NAALADL2: variants seen among roughly 807,000 people sequenced by gnomAD.
The protein encoded by NAALADL2 is inactive N-acetylated-alpha-linked acidic dipeptidase-like protein 2.
Under a neutral mutation model 87.2 loss-of-function variants are expected in NAALADL2, and 76 were observed. That is an observed-to-expected ratio of 0.87 (90% CI 0.72 to 1.05). The LOEUF (loss-of-function observed/expected upper bound fraction) is 1.05. NAALADL2 is among the 50% of genes least tolerant of loss of function. The pLI is 0.00. For synonymous variants in NAALADL2, 354 were observed against 331.0 expected (o/e 1.07, Z -0.75); for missense variants, 1,089 against 945.8 (o/e 1.15, Z -1.99).
chr3:175,082,213 T>G (rs564428271), intron 1 of NAALADL2, among the ~76,000 whole-genome samples: 1 of 152,328 alleles, frequency 6.6e-6, no homozygotes, highest in Non-Finnish European at 1.5e-5. Flanking sequence ...AATGCAAAAC[T>G]GTTATTGTTT....
chr3:175,199,619 T>C (rs1032621788), intron 2 of NAALADL2, among the ~76,000 whole-genome samples: 3 of 151,102 alleles, frequency 2.0e-5, no homozygotes, highest in African/African-American at 7.3e-5. Context: ...AAAAGTGCAC[T>C]AAGGGCTATG....
chr3:175,616,041 G>A (rs189310585), intron 10 of NAALADL2, among the ~76,000 whole-genome samples: 1 of 145,804 alleles, frequency 6.9e-6, no homozygotes, highest in African/African-American at 2.5e-5. Context: ...ACTGTAATAT[G>A]TATTATATAT....
intron 3 of NAALADL2, among the ~76,000 whole-genome samples, chr3:174,812,260 G>A (rs149915499): frequency 6.6e-6 from 1 of 152,050 alleles, no homozygotes; most frequent in Non-Finnish European, 1.5e-5. Flanking sequence ...TGACATTTTG[G>A]TCAATGAGGG....
At chr3:175,670,422 T>A (rs1349400306) in intron 11 of NAALADL2, among the ~76,000 whole-genome samples, 2 of 145,934 alleles carry the variant, frequency 1.4e-5, no homozygotes, top group Non-Finnish European at 3.0e-5. Context: ...AATGTAAATT[T>A]AATATATTTA....
intron 9 of NAALADL2, among the ~76,000 whole-genome samples, chr3:175,529,059 A>C (rs559058210): frequency 7.9e-5 from 12 of 152,282 alleles, no homozygotes; most frequent in African/African-American, 2.9e-4. Context: ...GGCCATTTGT[A>C]GTCCTGCCTG....
chr3:174,944,145 A>T (rs1361313650), intron 1 of NAALADL2, among the ~76,000 whole-genome samples: 2 of 152,152 alleles, frequency 1.3e-5, no homozygotes, highest in African/African-American at 2.4e-5. Context: ...TGAAACAGCA[A>T]AGATGAGGGC....
At chr3:174,464,961 A>G (rs574372068) in intron 1 of NAALADL2, among the ~76,000 whole-genome samples, 2 of 152,184 alleles carry the variant, frequency 1.3e-5, no homozygotes, top group African/African-American at 4.8e-5. Context: ...ACATTTTACC[A>G]TCTTTGTCAA....
chr3:175,548,243 C>T (rs1340275892), intron 9 of NAALADL2, among the ~76,000 whole-genome samples: 1 of 152,034 alleles, frequency 6.6e-6, no homozygotes, highest in Non-Finnish European at 1.5e-5. Flanking sequence ...GATATTTATC[C>T]TTTGCAGGGA....
chr3:175,003,196 A>G (rs932067947), intron 1 of NAALADL2, among the ~76,000 whole-genome samples: 2 of 152,114 alleles, frequency 1.3e-5, no homozygotes, highest in African/African-American at 4.8e-5. Flanking sequence ...TAATTCAACG[A>G]TGTGTCCAGG....
At chr3:175,763,135 A>G (rs1194330631) in intron 13 of NAALADL2, among the ~76,000 whole-genome samples, 1 of 151,606 alleles carries the variant, frequency 6.6e-6, no homozygotes, top group Non-Finnish European at 1.5e-5. Context: ...TCTAAGTAGC[A>G]CTAGCTTTCA....
chr3:175,206,321 T>TACAC (rs750959695), intron 2 of NAALADL2, among the ~76,000 whole-genome samples: 2 of 116,866 alleles, frequency 1.7e-5, no homozygotes, highest in African/African-American at 3.8e-5. Context: ...TACACATACA[T>TACAC]ACACACACAC....
intron 3 of NAALADL2, among the ~76,000 whole-genome samples, chr3:174,796,027 G>T (rs1718040728): frequency 6.6e-6 from 1 of 152,112 alleles, no homozygotes; most frequent in Non-Finnish European, 1.5e-5. Context: ...TGGAGACAGG[G>T]CCTTTAAATA....
intron 11 of NAALADL2, among the ~76,000 whole-genome samples, chr3:175,679,697 C>A (rs1735327801): frequency 6.6e-6 from 1 of 152,052 alleles, no homozygotes; most frequent in Non-Finnish European, 1.5e-5. Flanking sequence ...TCTGTTTTAC[C>A]CGTGATAAAC....
intron 1 of NAALADL2, among the ~76,000 whole-genome samples, chr3:175,007,964 C>A (rs1315273301): frequency 6.6e-6 from 1 of 152,054 alleles, no homozygotes; most frequent in Non-Finnish European, 1.5e-5. Flanking sequence ...TAACTAGCGA[C>A]GGGGTAGCAT....
At chr3:174,604,626 G>T (rs964993317) in intron 2 of NAALADL2, among the ~76,000 whole-genome samples, 1 of 150,376 alleles carries the variant, frequency 6.6e-6, no homozygotes, top group Non-Finnish European at 1.5e-5. Context: ...ATTTTCTGTT[G>T]TGTGTGTGTG....
At chr3:175,101,000 A>C (rs1483069020) in intron 2 of NAALADL2, among the ~76,000 whole-genome samples, 1 of 151,984 alleles carries the variant, frequency 6.6e-6, no homozygotes, top group Non-Finnish European at 1.5e-5. Context: ...TGGGGGTTGT[A>C]AGCAGGAGCT....
intron 1 of NAALADL2, among the ~76,000 whole-genome samples, chr3:175,011,524 G>A (rs1475736005): frequency 1.3e-5 from 2 of 152,138 alleles, no homozygotes; most frequent in Admixed American, 6.6e-5. Flanking sequence ...GAAGAGAGTT[G>A]GAGAAATGAT....
intron 3 of NAALADL2, among the ~76,000 whole-genome samples, chr3:174,779,865 G>A (rs1234212568): frequency 6.6e-6 from 1 of 152,096 alleles, no homozygotes. Context: ...ATGCTGTTTT[G>A]GTTACTGTAG....
intron 2 of NAALADL2, among the ~76,000 whole-genome samples, chr3:174,737,131 C>T (rs905417671): frequency 9.2e-5 from 14 of 152,320 alleles, no homozygotes; most frequent in Non-Finnish European, 1.8e-4. Context: ...GCCCTAGCCA[C>T]GCCTCCCCTA....
Sources: allele counts gnomAD v4.1 joint callset (sites outside exome capture counted in the v4.1 genomes callset), GRCh38; gene constraint gnomAD v4.1.1; transcripts MANE v1.5; gene names NCBI Gene and HGNC (gene_info 2026-07-23, HGNC 2026-07-21).